The following LIMK1 variants were observed in gnomAD, a reference collection of about 807,000 sequenced individuals.
The protein encoded by LIMK1 is LIM domain kinase 1.
A neutral mutation model predicts 77.6 loss-of-function variants in LIMK1; 21 were observed. The observed-to-expected ratio is 0.27, with a 90% CI of 0.19 to 0.39. The LOEUF is 0.39. LIMK1 is among the 10% of genes least tolerant of loss of function. The pLI is 1.00. For missense variants in LIMK1, 696 were observed against 901.6 expected (o/e 0.77, Z 2.92); for synonymous variants, 358 against 370.0 (o/e 0.97, Z 0.37).
Position 74,109,150 on chromosome 7 carries a change from GC to G in LIMK1, c.1284+117del, listed in dbSNP as rs1371984128. ...GGGGGAAGCCACAGGGGTCTCAAAGGCCCTCTGAACCCTGATTCCTAATCAA... is the reference window on the plus strand; with the variant it reads ...GGGGGAAGCCACAGGGGTCTCAAAGGCCTCTGAACCCTGATTCCTAATCAA... On this transcript the variant is annotated intron_variant, in intron 10 of 15. Coordinates refer to ENST00000336180, the MANE Select transcript of LIMK1 (RefSeq NM_002314.4). 24 of 833,446 alleles carry G rather than the reference GC, an allele frequency of 2.9e-5. No individual in the cohort carries two copies. In the African/African-American group the frequency reaches 4.0e-4, roughly 14 times the overall value. 51.6% of individuals were successfully genotyped at this position (833,446 alleles called of 1,614,324 possible).
At chr7:74,094,841 C>G (rs1799309275) in intron 2 of LIMK1, among the ~76,000 whole-genome samples, 1 of 152,062 alleles carries the variant, frequency 6.6e-6, no homozygotes, top group African/African-American at 2.4e-5. Flanking sequence ...GCCACCACCT[C>G]CGGTGGCCCA....
intron 7 of LIMK1, among the ~76,000 whole-genome samples, chr7:74,106,468 G>C (rs1315123756): frequency 6.6e-6 from 1 of 152,144 alleles, no homozygotes; most frequent in Non-Finnish European, 1.5e-5. Flanking sequence ...TTTTTAAAAA[G>C]CCGGGGACGG....
intron 2 of LIMK1, among the ~76,000 whole-genome samples, chr7:74,091,404 C>T (rs1554694758): frequency 6.6e-6 from 1 of 152,152 alleles, no homozygotes; most frequent in Admixed American, 6.5e-5. Flanking sequence ...GTAGTCCCAG[C>T]TACTCAGGAG....
intron 5 of LIMK1, among the ~76,000 whole-genome samples, chr7:74,103,571 T>C (rs1010279177): frequency 6.6e-6 from 1 of 152,188 alleles, no homozygotes; most frequent in Admixed American, 6.6e-5. Context: ...CTGTAAGGAT[T>C]TTTTTCCCTT....
Position 74,083,930 on chromosome 7 carries a change from A to C in LIMK1, c.-61A>C. ...CTCCCCGGGCCGGCGGCGGTGGGCG[A>C]GCTCGCGGGCCCGGCCGCCCCCAGC... is the stretch of plus-strand genomic sequence containing the variant. On this transcript the variant is annotated 5_prime_UTR_variant, in exon 1 of 16. Transcript: ENST00000336180. 2.4e-6 allele frequency: 1 copy of C among 423,992 alleles called. No individual in the cohort carries two copies. Among genetic ancestry groups the C allele is most frequent in the Non-Finnish European group, 3.3e-6 (1 of 300,292 alleles). 26.3% of individuals were successfully genotyped at this position (423,992 alleles called of 1,614,324 possible). A position where few individuals can be genotyped will look rare whatever the true frequency, so the allele number is the denominator to read the frequency against.
At position 74,111,653 on chromosome 7, in the gene LIMK1, C is replaced by G. The variant is rs782453789; in HGVS notation, c.1290C>G (p.Ser430Arg). 19 of 1,612,764 alleles carry G rather than the reference C, an allele frequency of 1.2e-5. No homozygotes were observed. The highest frequency in any genetic ancestry group is 1.6e-5 in the Non-Finnish European group (19 of 1,179,488). The stretch of plus-strand genomic sequence containing the variant: ...CCATTCTTTCTCCATCCCAGGACAG[C>G]CAGTACCCATGGAGCCAGAGAGTGA... ...TLRGIIKSMD[S>R]QYPWSQRVSF... Residue 430 changes from serine to arginine, a missense_variant, in exon 11 of 16, where the codon AGC (serine) becomes AGG (arginine). Ser to Arg is a moderately radical substitution (Grantham distance 110). Transcript: ENST00000336180.
chr7:74,111,293 C>T (rs984060741), intron 10 of LIMK1: 3 of 243,684 alleles, frequency 1.2e-5, no homozygotes, highest in Non-Finnish European at 1.6e-5. Flanking sequence ...AAAAAATTAG[C>T]TGGGTGTGGT....
chr7:74,118,423 CACAG>C (rs1410512194), intron 13 of LIMK1, among the ~76,000 whole-genome samples: 17 of 136,972 alleles, frequency 1.2e-4, no homozygotes, highest in African/African-American at 2.2e-4. Context: ...CACACACACA[CACAG>C]AGTTAACATA....
chr7:74,106,793 G>A (rs1280722830), intron 7 of LIMK1, among the ~76,000 whole-genome samples: 1 of 152,184 alleles, frequency 6.6e-6, no homozygotes, highest in Non-Finnish European at 1.5e-5. Context: ...AGGATCTGAG[G>A]GGTTGAGGGG....
chr7:74,120,790 G>A, intron 14 of LIMK1, 102 bp from the exon 15 acceptor site: 4 of 1,560,284 alleles, frequency 2.6e-6, no homozygotes, highest in Non-Finnish European at 3.5e-6. Context: ...CAGTCAGGCT[G>A]CAGCCAGGCC....
At chr7:74,101,264 A>G (rs532063305) in intron 5 of LIMK1, among the ~76,000 whole-genome samples, 162 of 152,320 alleles carry the variant, frequency 1.1e-3, no homozygotes, top group African/African-American at 3.8e-3. Flanking sequence ...TCCCAGACCA[A>G]CGGCTCTTAC....
chr7:74,113,577 A>G (rs1799745648), intron 12 of LIMK1, among the ~76,000 whole-genome samples: 1 of 151,884 alleles, frequency 6.6e-6, no homozygotes, highest in Non-Finnish European at 1.5e-5. Flanking sequence ...GTGAGCTGAG[A>G]TTATGCCACT....
chr7:74,102,143 A>G (rs1554696663), intron 5 of LIMK1, among the ~76,000 whole-genome samples: 1 of 152,136 alleles, frequency 6.6e-6, no homozygotes, highest in African/African-American at 2.4e-5. Flanking sequence ...GGTTATATGC[A>G]TGCAAAGCCT....
chr7:74,098,750 AG>A (rs1173960243), intron 4 of LIMK1, among the ~76,000 whole-genome samples: 2 of 152,066 alleles, frequency 1.3e-5, no homozygotes, highest in African/African-American at 4.8e-5. Flanking sequence ...AGGCTGAGGC[AG>A]GAGAATCGCT....
chr7:74,084,292 C>G (rs1554693768), intron 1 of LIMK1, among the ~76,000 whole-genome samples: 1 of 152,102 alleles, frequency 6.6e-6, no homozygotes, highest in Non-Finnish European at 1.5e-5. Flanking sequence ...CCCACGTCCC[C>G]CCGCGAAGGA....
chr7:74,117,764 C>G (rs1799844885), intron 13 of LIMK1, among the ~76,000 whole-genome samples: 1 of 152,124 alleles, frequency 6.6e-6, no homozygotes, highest in African/African-American at 2.4e-5. Context: ...GAGCTATGAT[C>G]ATACCACTGC....
At chr7:74,117,744 A>G (rs1554699815) in intron 13 of LIMK1, among the ~76,000 whole-genome samples, 1 of 152,124 alleles carries the variant, frequency 6.6e-6, no homozygotes, top group African/African-American at 2.4e-5. Context: ...AAGGAGATCA[A>G]GGCTGCAGTG....
chr7:74,105,335 C>A (rs1799545264), intron 5 of LIMK1, among the ~76,000 whole-genome samples: 1 of 151,972 alleles, frequency 6.6e-6, no homozygotes, highest in Non-Finnish European at 1.5e-5. Context: ...TGTGGTGTAA[C>A]CCCGTCTCTA....
chr7:74,121,104 C>T (rs1244904238), intron 15 of LIMK1, 35 bp from the exon 16 acceptor site: 2 of 1,603,788 alleles, frequency 1.2e-6, no homozygotes, highest in Non-Finnish European at 1.7e-6. Flanking sequence ...CCCGGGACAG[C>T]CAGACCCACC....
Sources: allele counts gnomAD v4.1 joint callset (sites outside exome capture counted in the v4.1 genomes callset), GRCh38; gene constraint gnomAD v4.1.1; transcripts MANE v1.5; gene names NCBI Gene and HGNC (gene_info 2026-07-23, HGNC 2026-07-21).